The following ELOVL2 variants were observed in gnomAD, a reference collection of about 807,000 sequenced individuals.
ELOVL2 encodes the protein ELOVL fatty acid elongase 2.
ELOVL2 carries 38 observed loss-of-function variants against 37.7 expected under a neutral mutation model. The observed-to-expected ratio is 1.01, with a 90% CI of 0.78 to 1.32. The LOEUF is 1.32. ELOVL2 is among the 40% of genes most tolerant of loss of function. ELOVL2 has a pLI of 0.00. For synonymous variants in ELOVL2, 115 were observed against 122.3 expected, an observed-to-expected ratio of 0.94 and a Z score of 0.40; for missense variants, 352 against 363.6, an observed-to-expected ratio of 0.97 and a Z score of 0.26.
At chr6:11,031,458 C>T (rs1202356327) in intron 1 of ELOVL2, among the ~76,000 whole-genome samples, 3 of 152,130 alleles carry the variant, frequency 2.0e-5, no homozygotes, top group Non-Finnish European at 4.4e-5. Context: ...ACTGAAGTTG[C>T]GTATGTCTTT....
At chr6:11,012,170 A>G (rs1746000235) in intron 1 of ELOVL2, among the ~76,000 whole-genome samples, 1 of 152,028 alleles carries the variant, frequency 6.6e-6, no homozygotes, top group African/African-American at 2.4e-5. Context: ...AGCTTGGGAA[A>G]GAGGATGAAG....
chr6:11,017,942 C>A (rs576806956), intron 1 of ELOVL2, among the ~76,000 whole-genome samples: 1 of 152,162 alleles, frequency 6.6e-6, no homozygotes, highest in African/African-American at 2.4e-5. Context: ...ACAATACTCA[C>A]GATATCCATT....
chr6:11,010,662 C>G, intron 2 of ELOVL2, 84 bp downstream of exon 2: 2 of 1,106,180 alleles, frequency 1.8e-6, no homozygotes, highest in Non-Finnish European at 2.7e-6. Flanking sequence ...TCCAAGACAC[C>G]AGAAATAACA....
intron 7 of ELOVL2, among the ~76,000 whole-genome samples, chr6:10,985,023 C>G (rs935148933): frequency 6.6e-6 from 1 of 152,110 alleles, no homozygotes; most frequent in Non-Finnish European, 1.5e-5. Flanking sequence ...TCTCCAGCAC[C>G]TGTTGTTTCC....
chr6:10,998,697 ATCT>A (rs1439764190), intron 4 of ELOVL2, among the ~76,000 whole-genome samples: 1 of 152,116 alleles, frequency 6.6e-6, no homozygotes, highest in Admixed American at 6.5e-5. Flanking sequence ...TCCTGGGTTC[ATCT>A]TATAAACATT....
rs1554110938 is a variant in ELOVL2 at position 10,992,800 on chromosome 6, C to CA, written c.505+2206dup. Among the ~76,000 whole-genome samples the CA allele has an allele frequency of 8.8e-3, 978 of 111,098 alleles. 5 individuals are homozygous for CA. The highest frequency in any genetic ancestry group is 0.025 in the South Asian group (91 of 3,666). 72.9% of individuals were successfully genotyped at this position (111,098 alleles called of 152,430 possible). On this transcript the variant is annotated intron_variant, in intron 5 of 7. Coordinates refer to ENST00000354666, the MANE Select transcript of ELOVL2 (RefSeq NM_017770.4). Reference sequence around the variant, plus strand: ...GGACTCCATCTCAAAAAAAACAAAACAAAAAAAAACAAAAAAAAACAGGAT... The same window carrying CA: ...GGACTCCATCTCAAAAAAAACAAAACAAAAAAAAAACAAAAAAAAACAGGAT...
At chr6:11,042,849 A>C (rs114991273) in intron 1 of ELOVL2, among the ~76,000 whole-genome samples, 1 of 152,198 alleles carries the variant, frequency 6.6e-6, no homozygotes, top group Non-Finnish European at 1.5e-5. Flanking sequence ...GGGTTAATTC[A>C]AAAGAGTTAT....
At chr6:11,005,721 GC>G (rs1782470916) in intron 2 of ELOVL2, among the ~76,000 whole-genome samples, 162 bp from the exon 3 acceptor site, 2 of 152,206 alleles carry the variant, frequency 1.3e-5, no homozygotes, top group Admixed American at 6.5e-5. Context: ...GGAAGAGGAA[GC>G]CTGTGGGCTG....
intron 6 of ELOVL2, 71 bp downstream of exon 6, chr6:10,990,247 T>G: frequency 6.4e-7 from 1 of 1,567,376 alleles, no homozygotes; most frequent in South Asian, 1.2e-5. Flanking sequence ...GCCCTCTGAC[T>G]TCTAAGATTT....
chr6:11,001,458 C>T (rs1299159907), intron 3 of ELOVL2, among the ~76,000 whole-genome samples: 2 of 152,164 alleles, frequency 1.3e-5, no homozygotes, highest in African/African-American at 2.4e-5. Flanking sequence ...AGACCTTAAA[C>T]TACATATAAA....
At chr6:11,024,190 CA>C (rs1201034103) in intron 1 of ELOVL2, among the ~76,000 whole-genome samples, 1 of 152,180 alleles carries the variant, frequency 6.6e-6, no homozygotes, top group Non-Finnish European at 1.5e-5. Context: ...GTGGCTAAGC[CA>C]GTGGCTTTGC....
intron 1 of ELOVL2, among the ~76,000 whole-genome samples, chr6:11,021,064 A>G (rs1782759476): frequency 6.6e-6 from 1 of 152,246 alleles, no homozygotes; most frequent in African/African-American, 2.4e-5. Flanking sequence ...AAAAAATTAA[A>G]CAATTGCTAT....
At chr6:11,029,291 T>G (rs551414657) in intron 1 of ELOVL2, among the ~76,000 whole-genome samples, 1 of 148,488 alleles carries the variant, frequency 6.7e-6, no homozygotes, top group Admixed American at 6.7e-5. Flanking sequence ...AGGGCAGGAG[T>G]TTTACGCAGG....
chr6:10,991,750 G>C (rs1782163467), intron 5 of ELOVL2, among the ~76,000 whole-genome samples: 2 of 152,144 alleles, frequency 1.3e-5, no homozygotes, highest in African/African-American at 4.8e-5. Context: ...AGACTACCAA[G>C]CAGCATAGTA....
chr6:11,036,416 A>C (rs974550308), intron 1 of ELOVL2, among the ~76,000 whole-genome samples: 4 of 152,102 alleles, frequency 2.6e-5, no homozygotes, highest in Non-Finnish European at 5.9e-5. Context: ...CATTTTTTTT[A>C]GGAGTCTGAA....
At chr6:11,043,972 C>A in intron 1 of ELOVL2, 1 of 324,738 alleles carries the variant, frequency 3.1e-6, no homozygotes, top group Non-Finnish European at 5.5e-6. Context: ...GGTGCCGGGG[C>A]GGGACCGGGG....
chr6:10,996,258 A>G (rs1782266788), intron 4 of ELOVL2, among the ~76,000 whole-genome samples: 1 of 152,222 alleles, frequency 6.6e-6, no homozygotes, highest in Non-Finnish European at 1.5e-5. Flanking sequence ...TGAGATAATT[A>G]ACCTTTAGAA....
At chr6:11,018,148 G>C (rs1782713400) in intron 1 of ELOVL2, among the ~76,000 whole-genome samples, 1 of 152,132 alleles carries the variant, frequency 6.6e-6, no homozygotes. Context: ...TTTTAAAGTA[G>C]AATCAAATTT....
intron 1 of ELOVL2, among the ~76,000 whole-genome samples, chr6:11,037,234 A>C (rs796540672): frequency 1.1e-4 from 17 of 151,108 alleles, no homozygotes; most frequent in African/African-American, 3.1e-4. Flanking sequence ...GGAGAGAGAC[A>C]GAGGAGGCAG....
Sources: allele counts gnomAD v4.1 joint callset (sites outside exome capture counted in the v4.1 genomes callset), GRCh38; gene constraint gnomAD v4.1.1; transcripts MANE v1.5; gene names NCBI Gene and HGNC (gene_info 2026-07-23, HGNC 2026-07-21).